SERINC5: variants seen among roughly 807,000 people sequenced by gnomAD.
SERINC5 encodes the protein chromosome 5 open reading frame 12.
Under a neutral mutation model 63.1 loss-of-function variants are expected in SERINC5, and 41 were observed. The observed-to-expected ratio is 0.65, with a 90% CI of 0.51 to 0.84. The LOEUF (loss-of-function observed/expected upper bound fraction) is 0.84, where lower values mean the gene tolerates loss of function less well. Among genes scored for constraint, SERINC5 ranks in the 40% least tolerant of loss-of-function variants. The pLI, the probability that SERINC5 is intolerant of heterozygous loss-of-function variation, is 0.00. For missense variants in SERINC5, 523 were observed against 573.0 expected, an observed-to-expected ratio of 0.91 and a Z score of 0.89; for synonymous variants, 222 against 215.2, an observed-to-expected ratio of 1.03 and a Z score of -0.28.
chr5:80,203,227 A>C (rs757141514), intron 1 of SERINC5, 174 bp from the exon 2 acceptor site: 1 of 598,784 alleles, frequency 1.7e-6, no homozygotes, highest in Non-Finnish European at 3.1e-6. Flanking sequence ...CAACACAGCA[A>C]GAACCTGTCT....
At chr5:80,156,943 A>C (rs1444935746) in intron 8 of SERINC5, 1 of 151,512 alleles carries the variant, frequency 6.6e-6, no homozygotes, top group Non-Finnish European at 1.5e-5. Flanking sequence ...TTTCCATTGA[A>C]GGGTTTATGG....
At chr5:80,146,342 GA>G (rs1444010206) in intron 10 of SERINC5, 108 bp from the exon 11 acceptor site, 5 of 1,355,336 alleles carry the variant, frequency 3.7e-6, no homozygotes, top group Non-Finnish European at 5.1e-6. Flanking sequence ...AAAGATGCCA[GA>G]AAGCCATCTG....
chr5:80,121,707 A>G (rs116640698), intron 11 of SERINC5, among the ~76,000 whole-genome samples: 2,420 of 152,250 alleles, frequency 0.016, 61 homozygotes, highest in African/African-American at 0.055. Context: ...AGGCTGTACA[A>G]CCATGGCACC....
chr5:80,125,559 G>C (rs1360927132), intron 11 of SERINC5, among the ~76,000 whole-genome samples: 1 of 152,194 alleles, frequency 6.6e-6, no homozygotes, highest in Non-Finnish European at 1.5e-5. Flanking sequence ...ACAGAGACTA[G>C]ATATGAAGGA....
chr5:80,192,654 G>A lies in SERINC5; in HGVS notation c.195+10232C>T, dbSNP rs59785286. 6.7e-3 allele frequency among the ~76,000 whole-genome samples: 1,019 copies of A among 152,258 alleles called. 11 individuals are homozygous for A. Among genetic ancestry groups the A allele is most frequent in the African/African-American group, 0.023 (960 of 41,544 alleles). ...AAAAATAAACCCCACACTGATGAAA[G>A]CCAGCATGTCGAAAGATAATTTTAG... On this transcript the variant is annotated intron_variant, in intron 2 of 11. Coordinates refer to ENST00000507668, the MANE Select transcript of SERINC5 (RefSeq NM_001174072.3).
intron 11 of SERINC5, among the ~76,000 whole-genome samples, chr5:80,132,053 C>T (rs1744967504): frequency 6.6e-6 from 1 of 152,142 alleles, no homozygotes; most frequent in South Asian, 2.1e-4. Context: ...CTGCCAGCCC[C>T]TAGCTTTCAA....
chr5:80,231,216 C>T (rs1442609401), intron 1 of SERINC5, among the ~76,000 whole-genome samples: 1 of 152,162 alleles, frequency 6.6e-6, no homozygotes, highest in Non-Finnish European at 1.5e-5. Context: ...AATCAAAATT[C>T]ATTTTCCAAT....
At chr5:80,160,592 A>G (rs1746818486) in intron 7 of SERINC5, among the ~76,000 whole-genome samples, 1 of 152,076 alleles carries the variant, frequency 6.6e-6, no homozygotes, top group Non-Finnish European at 1.5e-5. Context: ...ATGGGGTACA[A>G]GTGTAACTTT....
At chr5:80,170,951 T>C (rs1471161195) in intron 5 of SERINC5, among the ~76,000 whole-genome samples, 1 of 152,184 alleles carries the variant, frequency 6.6e-6, no homozygotes, top group African/African-American at 2.4e-5. Context: ...AAGGCTGCTA[T>C]GAGCCATGAC....
At chr5:80,239,869 A>C (rs1421484521) in intron 1 of SERINC5, among the ~76,000 whole-genome samples, 1 of 152,074 alleles carries the variant, frequency 6.6e-6, no homozygotes. Context: ...CAAGAAATCG[A>C]GCACAATTGG....
At position 80,255,969 on chromosome 5, in the gene SERINC5, A is replaced by C. The variant is rs1324521467; in HGVS notation, c.-47T>G. The C allele has an allele frequency of 2.7e-6, 4 of 1,497,066 alleles. No homozygotes were observed. The highest frequency in any genetic ancestry group is 3.5e-6 in the Non-Finnish European group (4 of 1,130,490). The allele number at this position is 1,497,066 out of a possible 1,614,324, so 92.7% of individuals were successfully genotyped here. A position where few individuals can be genotyped will look rare whatever the true frequency, so the allele number is the denominator to read the frequency against. ...CGCGCTCGCTGGCTCCCCGCGCCGC[A>C]CGGGCCCTCCTGGCTGCCTCGCGCC... On this transcript the variant is annotated 5_prime_UTR_variant, in exon 1 of 12. Transcript: ENST00000507668.
rs766382970 is a variant in SERINC5 at position 80,177,324 on chromosome 5, A to G, written c.448T>C (p.Phe150Leu). 1 of 1,611,590 alleles carries G rather than the reference A, an allele frequency of 6.2e-7. No individual in the cohort carries two copies. Among genetic ancestry groups the G allele is most frequent in the South Asian group, 1.1e-5 (1 of 91,012 alleles). ...AATACCCCATTAGTACCGTTCAGAA[A>G]GGTGTCCTGATCTGGAATGAAGAAA... Reference protein sequence around the residue: ...GAFFIPDQDTFLNAWRYVGAV... With the variant: ...GAFFIPDQDTLLNAWRYVGAV... The change falls in exon 4 of 12, where the codon TTT (phenylalanine) becomes CTT (leucine). Residue 150 changes from phenylalanine to leucine, a missense_variant. Physicochemically the swap from Phe to Leu is conservative, Grantham distance 22 (BLOSUM62 0). Coordinates refer to ENST00000507668, the MANE Select transcript of SERINC5 (RefSeq NM_001174072.3).
intron 2 of SERINC5, among the ~76,000 whole-genome samples, chr5:80,187,476 T>C (rs958113522): frequency 1.3e-5 from 2 of 152,004 alleles, no homozygotes; most frequent in African/African-American, 4.8e-5. Context: ...TGACTTCCTG[T>C]TATTGGTCAG....
intron 1 of SERINC5, among the ~76,000 whole-genome samples, chr5:80,228,274 GGGAGGGAGGGAGGGAAA>G (rs1373338514): frequency 7.4e-5 from 8 of 107,502 alleles, no homozygotes; most frequent in Non-Finnish European, 1.2e-4. Context: ...AAAGGAGGGA[GGGAGGGAGGGAGGGAAA>G]GGAGGGAGGG....
At chr5:80,131,674 C>T (rs1251657101) in intron 11 of SERINC5, among the ~76,000 whole-genome samples, 2 of 152,150 alleles carry the variant, frequency 1.3e-5, no homozygotes, top group Non-Finnish European at 2.9e-5. Context: ...GAGTCTTTGG[C>T]TTTTACTTCA....
At chr5:80,251,602 T>C (rs1415744049) in intron 1 of SERINC5, among the ~76,000 whole-genome samples, 1 of 151,776 alleles carries the variant, frequency 6.6e-6, no homozygotes, top group African/African-American at 2.4e-5. Flanking sequence ...TAGTGGCAAG[T>C]GCCTGTAATC....
intron 7 of SERINC5, among the ~76,000 whole-genome samples, chr5:80,160,478 T>C (rs1300610671): frequency 6.6e-6 from 1 of 152,200 alleles, no homozygotes; most frequent in Non-Finnish European, 1.5e-5. Flanking sequence ...ATATTTCAAG[T>C]GTCTGAAGTG....
chr5:80,164,275 CTT>C (rs1347557083), intron 7 of SERINC5, among the ~76,000 whole-genome samples: 2 of 145,754 alleles, frequency 1.4e-5, no homozygotes, highest in Admixed American at 1.4e-4. Context: ...TTTTGTTTAT[CTT>C]TTCAACAAAC....
chr5:80,178,329 CT>C (rs368626051), intron 2 of SERINC5, among the ~76,000 whole-genome samples: 3,020 of 150,052 alleles, frequency 0.02, 45 homozygotes, highest in Middle Eastern at 0.045. Context: ...CAAAAATTAC[CT>C]TTTTTTTAAC....
Sources: allele counts gnomAD v4.1 joint callset (sites outside exome capture counted in the v4.1 genomes callset), GRCh38; gene constraint gnomAD v4.1.1; transcripts MANE v1.5; gene names NCBI Gene and HGNC (gene_info 2026-07-23, HGNC 2026-07-21).